TM9SF4: variants seen among roughly 807,000 people sequenced by gnomAD.
TM9SF4 encodes the protein transmembrane 9 superfamily member 4.
A neutral mutation model predicts 90.4 loss-of-function variants in TM9SF4; 26 were observed. The ratio of observed to expected loss-of-function variants is 0.29; its 90% CI spans 0.21 to 0.40. The LOEUF (loss-of-function observed/expected upper bound fraction) is 0.40. Ranked by LOEUF, TM9SF4 falls within the 10% of genes least tolerant of loss-of-function variation. TM9SF4 has a pLI of 1.00. For synonymous variants in TM9SF4, 293 were observed against 315.4 expected, an observed-to-expected ratio of 0.93 and a Z score of 0.75; for missense variants, 549 against 834.8, an observed-to-expected ratio of 0.66 and a Z score of 4.22.
At chr20:32,147,869 A>G (rs968668684) in intron 9 of TM9SF4, among the ~76,000 whole-genome samples, 5 of 151,536 alleles carry the variant, frequency 3.3e-5, no homozygotes, top group African/African-American at 9.7e-5. Context: ...AAAAAAAAAA[A>G]AAAAAACTAG....
intron 3 of TM9SF4, chr20:32,137,030 C>T (rs1195004737): frequency 4.3e-6 from 2 of 462,438 alleles, no homozygotes; most frequent in Admixed American, 2.3e-5. Flanking sequence ...TGGAGGCAGG[C>T]CTTGGAGCCA....
Position 32,146,817 on chromosome 20 carries a change from C to T in TM9SF4, c.916C>T (p.Arg306Trp), listed in dbSNP as rs748615779. 7 of 1,613,928 alleles carry T rather than the reference C, an allele frequency of 4.3e-6. No homozygotes were observed. The highest frequency in any genetic ancestry group is 3.3e-5 in the Admixed American group (2 of 59,980). ...GAGCATGATTATCATTCGGACCCTC[C>T]GGAAGGACATTGCCAACTACAACAA... ...ILSMIIIRTL[R>W]KDIANYNKED... is the part of the protein sequence containing the mutation. The change falls in exon 9 of 18, where the codon CGG becomes TGG. Residue 306 changes from arginine to tryptophan, a missense_variant. Arg to Trp is a moderately radical substitution (Grantham distance 101). Around this residue, in one of 2 missense-constraint regions of TM9SF4, gnomAD observed 495 missense variants for 711.7 expected, o/e 0.70. Transcript: ENST00000398022.
chr20:32,110,341 A>C (rs1032606436), intron 1 of TM9SF4, among the ~76,000 whole-genome samples: 1 of 151,688 alleles, frequency 6.6e-6, no homozygotes, highest in Non-Finnish European at 1.5e-5. Flanking sequence ...TTTCATCCCT[A>C]GAGGCTTCCC....
rs577877732 is a variant in TM9SF4, at chr20:32,158,461, G to A, written c.1516G>A (p.Ala506Thr). Residue 506 changes from alanine to threonine, a missense_variant, in exon 15 of 18, where the codon GCT (alanine) becomes ACT (threonine). Ala to Thr is a moderately conservative substitution (Grantham distance 58). Transcript: ENST00000398022. The stretch of plus-strand genomic sequence containing the variant: ...CTCGTTCTGTGGCAGCATCCTCATG[G>A]CTGGGATCTTGCCCTTCGGCGCCAT... ...YMNRFVGILM[A>T]GILPFGAMFI... 1 of 1,614,196 alleles carries A rather than the reference G, an allele frequency of 6.2e-7. No individual in the cohort carries two copies. The highest frequency in any genetic ancestry group is 1.7e-5 in the Admixed American group (1 of 60,034).
intron 1 of TM9SF4, among the ~76,000 whole-genome samples, chr20:32,125,453 A>C (rs909611871): frequency 4.6e-5 from 7 of 152,126 alleles, no homozygotes; most frequent in Non-Finnish European, 1.0e-4. Context: ...TTTCCAGTAC[A>C]CCAGTGGTTT....
chr20:32,150,896 C>G (rs770769703), intron 12 of TM9SF4, 21 bp downstream of exon 12: 1 of 1,613,500 alleles, frequency 6.2e-7, no homozygotes, highest in South Asian at 1.1e-5. Context: ...TAAACCTTCT[C>G]TTGTTTGGTG....
Position 32,163,896 on chromosome 20 carries a change from C to T in TM9SF4, c.1780-1399C>T, listed in dbSNP as rs142211493. ...AAAGTGCTGGGATTACAGGCGTGAG[C>T]CACCGCACCTGGCCTATTTTGTGCT... On this transcript the variant is annotated intron_variant, in intron 17 of 17. Coordinates refer to ENST00000398022, the MANE Select transcript of TM9SF4 (RefSeq NM_014742.4). 1.3e-4 allele frequency among the ~76,000 whole-genome samples: 20 copies of T among 152,160 alleles called. No individual in the cohort carries two copies. The East Asian group carries it at 3.7e-3, about 28-fold the overall frequency.
chr20:32,143,669 A>C (rs6061185), intron 6 of TM9SF4, among the ~76,000 whole-genome samples: 56,487 of 151,644 alleles, frequency 0.37, 11,428 homozygotes, highest in East Asian at 0.74. Flanking sequence ...TGATCATCAC[A>C]GTGTGCTTTT....
intron 17 of TM9SF4, among the ~76,000 whole-genome samples, chr20:32,164,388 T>G (rs962153795): frequency 2.6e-5 from 4 of 152,144 alleles, no homozygotes; most frequent in Non-Finnish European, 2.9e-5. Flanking sequence ...GGCACACACC[T>G]ATAGTCTGAG....
intron 3 of TM9SF4, 44 bp downstream of exon 3, chr20:32,136,217 A>G: frequency 1.9e-6 from 3 of 1,568,356 alleles, no homozygotes; most frequent in South Asian, 2.2e-5. Flanking sequence ...CCCCAGGGGG[A>G]ACCCAGCATG....
At chr20:32,154,167 T>A (rs951499864) in intron 12 of TM9SF4, among the ~76,000 whole-genome samples, 8 of 152,116 alleles carry the variant, frequency 5.3e-5, no homozygotes, top group Admixed American at 6.6e-5. Flanking sequence ...TGTGTGTGTG[T>A]GAGACAGAGT....
intron 9 of TM9SF4, among the ~76,000 whole-genome samples, chr20:32,147,206 C>T (rs1044093663): frequency 1.3e-5 from 2 of 152,054 alleles, no homozygotes; most frequent in African/African-American, 4.8e-5. Context: ...GTCTCAGTCT[C>T]CTGACCTCAT....
In TM9SF4 at chr20:32,141,505, C is replaced by T. The variant is rs753966681; in HGVS notation, c.238C>T (p.Leu80=). Reference sequence around the variant, plus strand: ...TGTCTCTCTTACGGCAGGAGAGGTGCTGAGAGGGGACCGGATTGTCAACAC... The same window carrying T: ...TGTCTCTCTTACGGCAGGAGAGGTGTTGAGAGGGGACCGGATTGTCAACAC... ...TYKAENLGEV[L]RGDRIVNTPF... Residue 80 remains leucine (L), a synonymous_variant, in exon 4 of 18, where the codon CTG becomes TTG. Coordinates refer to ENST00000398022, the MANE Select transcript of TM9SF4 (RefSeq NM_014742.4). 1.2e-6 allele frequency: 2 copies of T among 1,613,812 alleles called. No individual in the cohort carries two copies. Among genetic ancestry groups the T allele is most frequent in the Non-Finnish European group, 1.7e-6 (2 of 1,179,944 alleles).
intron 2 of TM9SF4, 40 bp from the exon 3 acceptor site, chr20:32,136,034 G>A (rs751902490): frequency 3.8e-6 from 6 of 1,573,334 alleles, no homozygotes; most frequent in Non-Finnish European, 3.5e-6. Context: ...GTACCAGGGA[G>A]GATTATTGGT....
At chr20:32,125,613 C>T (rs891911062) in intron 1 of TM9SF4, among the ~76,000 whole-genome samples, 3 of 152,028 alleles carry the variant, frequency 2.0e-5, no homozygotes, top group Non-Finnish European at 2.9e-5. Flanking sequence ...TCATGTGCTC[C>T]GCTTCGGTAC....
chr20:32,117,897 G>C (rs1331351280), intron 1 of TM9SF4, among the ~76,000 whole-genome samples: 2 of 152,176 alleles, frequency 1.3e-5, no homozygotes, highest in African/African-American at 4.8e-5. Context: ...GCATGGCTCT[G>C]AACATGCAGA....
chr20:32,142,381 C>A (rs2046694495), intron 5 of TM9SF4, among the ~76,000 whole-genome samples: 1 of 152,178 alleles, frequency 6.6e-6, no homozygotes, highest in Admixed American at 6.5e-5. Flanking sequence ...AGCCCTGATT[C>A]TCTTATCTTT....
chr20:32,148,075 T>C (rs1336580520), intron 9 of TM9SF4, among the ~76,000 whole-genome samples: 7 of 151,796 alleles, frequency 4.6e-5, no homozygotes, highest in Admixed American at 4.6e-4. Context: ...CACACCACTG[T>C]ACTACAGCCT....
intron 16 of TM9SF4, among the ~76,000 whole-genome samples, chr20:32,160,738 C>T (rs546067242): frequency 2.9e-4 from 44 of 152,010 alleles, no homozygotes; most frequent in Non-Finnish European, 2.9e-5. Flanking sequence ...ATCACAAGGT[C>T]AGAAGATCGA....
Sources: gnomAD v4.1 joint callset for allele counts (sites outside exome capture counted in the v4.1 genomes callset) on GRCh38, gnomAD v4.1.1 for gene constraint, gnomAD v4.1.1 regional missense constraint, MANE v1.5 for transcripts, NCBI Gene and HGNC (gene_info 2026-07-23, HGNC 2026-07-21) for gene names.